The following TMEM132B variants were observed in gnomAD, a reference collection of about 807,000 sequenced individuals.
The protein encoded by TMEM132B is transmembrane protein 132B.
TMEM132B carries 18 observed loss-of-function variants against 90.8 expected under a neutral mutation model. The ratio of observed to expected loss-of-function variants is 0.20; its 90% CI spans 0.14 to 0.29. The LOEUF is 0.29. TMEM132B is among the 10% of genes least tolerant of loss of function. The probability of loss-of-function intolerance (pLI) is 1.00; values close to 1 mark genes in which losing one functional copy is unlikely to be tolerated. For synonymous variants in TMEM132B, 504 were observed against 523.3 expected (o/e 0.96, Z 0.50); for missense variants, 1,096 against 1,326.8 (o/e 0.83, Z 2.70).
At chr12:125,625,352 C>T (rs1452509766) in intron 5 of TMEM132B, among the ~76,000 whole-genome samples, 1 of 152,014 alleles carries the variant, frequency 6.6e-6, no homozygotes. Flanking sequence ...CCAGGATGGT[C>T]TCTATCTCGT....
intron 1 of TMEM132B, among the ~76,000 whole-genome samples, chr12:125,197,542 A>G (rs1284732794): frequency 6.6e-6 from 1 of 152,234 alleles, no homozygotes; most frequent in African/African-American, 2.4e-5. Flanking sequence ...ATTGGAACAC[A>G]GCGGTGCCTA....
chr12:125,429,884 CTG>C (rs1880445277), intron 3 of TMEM132B, among the ~76,000 whole-genome samples: 1 of 152,188 alleles, frequency 6.6e-6, no homozygotes, highest in African/African-American at 2.4e-5. Context: ...CCTTTCCACA[CTG>C]TACTCTTTGC....
chr12:125,415,210 G>A lies in TMEM132B; in HGVS notation c.960-321G>A, dbSNP rs1014937760. ...TAGGCCTTGCAGATCCATCTCTTCT[G>A]GCCCGAGGCATCTGTCTCATTTGCA... On this transcript the variant is annotated intron_variant, in intron 2 of 8. Transcript: ENST00000682704. This position sits in a 1 kb window ranked among gnomAD's most constrained non-coding sequence, Gnocchi z 5.3. Among the ~76,000 whole-genome samples, 6 of 152,070 alleles carry A rather than the reference G, an allele frequency of 3.9e-5. No individual in the cohort carries two copies. Among genetic ancestry groups the A allele is most frequent in the Admixed American group, 6.6e-5 (1 of 15,262 alleles).
At chr12:125,357,684 A>C (rs1446407661) in intron 2 of TMEM132B, among the ~76,000 whole-genome samples, 2 of 152,216 alleles carry the variant, frequency 1.3e-5, no homozygotes, top group African/African-American at 2.4e-5. Flanking sequence ...AGCATGTGCT[A>C]TGGAGAGGCC....
At chr12:125,260,117 T>G (rs1459646969) in intron 1 of TMEM132B, among the ~76,000 whole-genome samples, 2 of 152,094 alleles carry the variant, frequency 1.3e-5, no homozygotes, top group Non-Finnish European at 2.9e-5. Context: ...GAGAGAGAGA[T>G]CGAAGTGTAT....
At chr12:125,433,866 A>C (rs1307894814) in intron 3 of TMEM132B, among the ~76,000 whole-genome samples, 6 of 151,980 alleles carry the variant, frequency 3.9e-5, no homozygotes, top group African/African-American at 1.5e-4. Context: ...ATGCCATGTA[A>C]TTATCTCTTT....
chr12:125,365,322 C>A (rs1409270323), intron 2 of TMEM132B, among the ~76,000 whole-genome samples: 1 of 152,010 alleles, frequency 6.6e-6, no homozygotes, highest in Non-Finnish European at 1.5e-5. Flanking sequence ...TCCACTTAAC[C>A]ATCCCATGTC....
chr12:125,226,570 G>T (rs1209766900), intron 1 of TMEM132B, among the ~76,000 whole-genome samples: 5 of 152,194 alleles, frequency 3.3e-5, no homozygotes, highest in Non-Finnish European at 5.9e-5. Context: ...CCAGACAGGG[G>T]AATCGGGAGA....
At chr12:125,500,956 G>C (rs1407627543) in intron 3 of TMEM132B, among the ~76,000 whole-genome samples, 4 of 152,146 alleles carry the variant, frequency 2.6e-5, no homozygotes, top group Admixed American at 2.6e-4. Flanking sequence ...GGATAGGAAG[G>C]TTTTGAAGGA....
intron 3 of TMEM132B, among the ~76,000 whole-genome samples, chr12:125,504,859 A>C (rs1882789802): frequency 6.6e-6 from 1 of 151,980 alleles, no homozygotes; most frequent in South Asian, 2.1e-4. Context: ...GTTTGGGGCA[A>C]CCACAACCAC....
chr12:125,379,794 C>T (rs1428951740), intron 2 of TMEM132B, among the ~76,000 whole-genome samples: 1 of 152,138 alleles, frequency 6.6e-6, no homozygotes, highest in South Asian at 2.1e-4. Context: ...AGTAAATGCT[C>T]CCAGCTCCAG....
At position 125,349,273 on chromosome 12, in the gene TMEM132B, T is replaced by C. The variant is rs973888213; in HGVS notation, c.68-179T>C. On this transcript the variant is annotated intron_variant, in intron 1 of 8. Coordinates refer to ENST00000682704, the MANE Select transcript of TMEM132B (RefSeq NM_001366854.1). The surrounding 1 kb of genome is among the most constrained non-coding windows in gnomAD (Gnocchi z 4.1). ...TTCCTCCCCACTCTGTGCTGTCTTT[T>C]TGGGAAGATCCTGAAGACCATACTT... Among the ~76,000 whole-genome samples the C allele has an allele frequency of 3.9e-5, 6 of 152,122 alleles. No homozygotes were observed. The highest frequency in any genetic ancestry group is 1.4e-4 in the African/African-American group (6 of 41,430).
chr12:125,458,863 C>G lies in TMEM132B; in HGVS notation c.1106+43186C>G, dbSNP rs114572476. Among the ~76,000 whole-genome samples, 1 of 152,168 alleles carries G rather than the reference C, an allele frequency of 6.6e-6. No individual in the cohort carries two copies. On this transcript the variant is annotated intron_variant, in intron 3 of 8. Transcript: ENST00000682704. The surrounding 1 kb of genome is among the most constrained non-coding windows in gnomAD (Gnocchi z 4.9). ...TCCTGTCATCACTTGACCTGGCTGTCTTTATTTTAGTTCCATGCTATGACA... is the reference window on the plus strand; with the variant it reads ...TCCTGTCATCACTTGACCTGGCTGTGTTTATTTTAGTTCCATGCTATGACA...
In TMEM132B at chr12:125,492,471, C is replaced by T. The variant is rs1454501392; in HGVS notation, c.1107-26968C>T. Among the ~76,000 whole-genome samples, 2 of 152,194 alleles carry T rather than the reference C, an allele frequency of 1.3e-5. No homozygotes were observed. The highest frequency in any genetic ancestry group is 2.4e-5 in the African/African-American group (1 of 41,452). ...TTTGCAGGGGCCCCGACTGCTCCTT[C>T]CTGGGATGTGCCGCCACCTCCCCAG... On this transcript the variant is annotated intron_variant, in intron 3 of 8. Coordinates refer to ENST00000682704, the MANE Select transcript of TMEM132B (RefSeq NM_001366854.1). This position sits in a 1 kb window ranked among gnomAD's most constrained non-coding sequence, Gnocchi z 5.8.
At chr12:125,411,319 A>G (rs1461985223) in intron 2 of TMEM132B, among the ~76,000 whole-genome samples, 2 of 139,770 alleles carry the variant, frequency 1.4e-5, no homozygotes, top group African/African-American at 5.3e-5. Context: ...ATGTGAATAC[A>G]TGGGCATAGG....
At chr12:125,211,629 A>G (rs956844689) in intron 1 of TMEM132B, among the ~76,000 whole-genome samples, 1 of 151,956 alleles carries the variant, frequency 6.6e-6, no homozygotes, top group African/African-American at 2.4e-5. Context: ...AATAAAGACT[A>G]AAAATAGAAG....
rs1357940965 is a variant in TMEM132B, at chr12:125,657,741, C to G, written c.*3031C>G. On this transcript the variant is annotated 3_prime_UTR_variant, in exon 9 of 9. Transcript: ENST00000682704. ...AAACATTTATAAAGTCCCTTCCTCTCCCATGGGAATGGAATGCTCAGACTC... is the reference window on the plus strand; with the variant it reads ...AAACATTTATAAAGTCCCTTCCTCTGCCATGGGAATGGAATGCTCAGACTC... The G allele has an allele frequency of 6.6e-6, 1 of 152,162 alleles. No individual in the cohort carries two copies. The highest frequency in any genetic ancestry group is 1.5e-5 in the Non-Finnish European group (1 of 68,026). The allele number at this position is 152,162 out of a possible 1,614,324, so 9.4% of individuals were successfully genotyped here. A position where few individuals can be genotyped will look rare whatever the true frequency, so the allele number is the denominator to read the frequency against.
At position 125,460,781 on chromosome 12, in the gene TMEM132B, G is replaced by A. The variant is rs189254227; in HGVS notation, c.1106+45104G>A. On this transcript the variant is annotated intron_variant, in intron 3 of 8. Coordinates refer to ENST00000682704, the MANE Select transcript of TMEM132B (RefSeq NM_001366854.1). The surrounding 1 kb of genome is among the most constrained non-coding windows in gnomAD (Gnocchi z 4.4). ...ACCCACTATTAGCTGCTCATCTACAGGGAAGATCCTGGAAAATTCTCACAA... is the reference window on the plus strand; with the variant it reads ...ACCCACTATTAGCTGCTCATCTACAAGGAAGATCCTGGAAAATTCTCACAA... Among the ~76,000 whole-genome samples the A allele has an allele frequency of 3.3e-5, 5 of 152,202 alleles. No homozygotes were observed. The highest frequency in any genetic ancestry group is 4.4e-5 in the Non-Finnish European group (3 of 68,030).
At chr12:125,306,614 C>T (rs998625307) in intron 1 of TMEM132B, among the ~76,000 whole-genome samples, 1 of 152,218 alleles carries the variant, frequency 6.6e-6, no homozygotes, top group Non-Finnish European at 1.5e-5. Flanking sequence ...GTGGCTCTGT[C>T]TTCCAAATAT....
Sources: allele counts gnomAD v4.1 joint callset (sites outside exome capture counted in the v4.1 genomes callset), GRCh38; gene constraint gnomAD v4.1.1; non-coding constraint Gnocchi (gnomAD v3.1); transcripts MANE v1.5; gene names NCBI Gene and HGNC (gene_info 2026-07-23, HGNC 2026-07-21).